Variants in OTOF observed in about 807,000 individuals in gnomAD.
OTOF encodes fer-1-like family member 2.
In OTOF, 218 loss-of-function variants were observed where a neutral mutation model predicts 236.8. The ratio of observed to expected loss-of-function variants is 0.92; its 90% CI spans 0.82 to 1.03. The LOEUF (loss-of-function observed/expected upper bound fraction) is 1.03. OTOF is among the 50% of genes least tolerant of loss of function. The probability of loss-of-function intolerance (pLI) is 0.00; values close to 1 mark genes in which losing one functional copy is unlikely to be tolerated. For missense variants in OTOF, 2,590 were observed against 2,694.4 expected, an observed-to-expected ratio of 0.96 and a Z score of 0.86; for synonymous variants, 1,041 against 1,072.5, an observed-to-expected ratio of 0.97 and a Z score of 0.57.
Position 26,465,843 on chromosome 2 carries a change from C to T in OTOF, c.4629-1G>A, listed in dbSNP as rs755083444. 12 of 1,614,174 alleles carry T rather than the reference C, an allele frequency of 7.4e-6. No individual in the cohort carries two copies. The highest frequency in any genetic ancestry group is 1.0e-5 in the Non-Finnish European group (12 of 1,180,032). ...GAAGGAGGCCTCGATGTCAAAGGAC[C>T]TGGTGGGGTGGAGTTAGGAGAAGGG... On this transcript the variant is annotated splice_acceptor_variant, in intron 37 of 46. Transcript: ENST00000272371. LOFTEE classifies it high-confidence loss of function.
At chr2:26,548,953 A>G (rs1336090149) in intron 1 of OTOF, among the ~76,000 whole-genome samples, 1 of 152,074 alleles carries the variant, frequency 6.6e-6, no homozygotes. Context: ...ATTTAACATA[A>G]TGTTTTCAAG....
chr2:26,493,237 T>G (rs1317973469), intron 9 of OTOF, among the ~76,000 whole-genome samples: 1 of 151,744 alleles, frequency 6.6e-6, no homozygotes, highest in Admixed American at 6.6e-5. Context: ...CAAAGGAGAG[T>G]TCGGCCAGGC....
intron 41 of OTOF, 69 bp downstream of exon 41, chr2:26,463,414 G>T: frequency 7.7e-7 from 1 of 1,297,454 alleles, no homozygotes; most frequent in Non-Finnish European, 1.1e-6. Context: ...CCGCAGGAAG[G>T]GTTGGGCCGT....
rs751176966 is a variant in OTOF at position 26,482,436 on chromosome 2, G to C, written c.1549C>G (p.Leu517Val). The change falls in exon 14 of 47, where the codon CTG becomes GTG. Residue 517 changes from leucine (L) to valine (V), a missense_variant. By Grantham distance (32) the Leu-to-Val change is conservative. Transcript: ENST00000272371. ...DVAIGTHFID[L>V]RKISNDGDKG... is the part of the protein sequence containing the mutation. ...TCTCCGTCATTAGAAATCTTGCGCA[G>C]GTCAATGAAGTGGGTGCCGATGGCC... 2.5e-6 allele frequency: 4 copies of C among 1,613,250 alleles called. No homozygotes were observed. Among genetic ancestry groups the C allele is most frequent in the African/African-American group, 2.7e-5 (2 of 74,944 alleles).
At chr2:26,536,404 C>T (rs967725138) in intron 2 of OTOF, among the ~76,000 whole-genome samples, 1 of 152,148 alleles carries the variant, frequency 6.6e-6, no homozygotes, top group Non-Finnish European at 1.5e-5. Context: ...TTCACCTGTC[C>T]TGCATAGCAG....
intron 5 of OTOF, among the ~76,000 whole-genome samples, chr2:26,514,466 C>G (rs1023004893): frequency 6.6e-6 from 1 of 152,248 alleles, no homozygotes; most frequent in Non-Finnish European, 1.5e-5. Context: ...CTCTCCAGAG[C>G]CCCCATCAGC....
At chr2:26,556,747 C>A (rs114405559) in intron 1 of OTOF, among the ~76,000 whole-genome samples, 1 of 152,130 alleles carries the variant, frequency 6.6e-6, no homozygotes. Flanking sequence ...GTGAATGCCA[C>A]GCGCAGTGTT....
intron 1 of OTOF, among the ~76,000 whole-genome samples, chr2:26,550,579 C>A (rs1667435279): frequency 6.6e-6 from 1 of 152,202 alleles, no homozygotes; most frequent in East Asian, 1.9e-4. Flanking sequence ...GTGTCAGCAA[C>A]TGGCACCTGT....
intron 8 of OTOF, among the ~76,000 whole-genome samples, chr2:26,496,724 G>C (rs1047251387): frequency 3.3e-5 from 5 of 152,122 alleles, no homozygotes; most frequent in Non-Finnish European, 7.3e-5. Flanking sequence ...AAGATAGACA[G>C]AGGCATGTAC....
chr2:26,483,310 G>A lies in OTOF; in HGVS notation c.1392+152C>T, dbSNP rs1277027801. ...CGCAGCTCTCAGTCTAAGGACTCCA[G>A]GAGGCAGTGAGGATCCTCTAAGTCC... On this transcript the variant is annotated intron_variant, in intron 13 of 46. Transcript: ENST00000272371. The A allele has an allele frequency of 8.1e-6, 6 of 743,648 alleles. No homozygotes were observed. In the African/African-American group the frequency reaches 1.0e-4, roughly 13 times the overall value. The allele number at this position is 743,648 out of a possible 1,614,324, so 46.1% of individuals were successfully genotyped here.
At position 26,461,626 on chromosome 2, in the gene OTOF, C is replaced by A; in HGVS notation, c.5533+70G>T. On this transcript the variant is annotated intron_variant, in intron 43 of 46. Coordinates refer to ENST00000272371, the MANE Select transcript of OTOF (RefSeq NM_194248.3). The surrounding 1 kb of genome is among the most constrained non-coding windows in gnomAD (Gnocchi z 6.2). ...CCCCCCAAGGCAGGGCTCTCCCTGTCCCCGCCAACCCGGCCCCTGCCTCTT... is the reference window on the plus strand; with the variant it reads ...CCCCCCAAGGCAGGGCTCTCCCTGTACCCGCCAACCCGGCCCCTGCCTCTT... 4 of 1,600,764 alleles carry A rather than the reference C, an allele frequency of 2.5e-6. No homozygotes were observed. The highest frequency in any genetic ancestry group is 3.4e-6 in the Non-Finnish European group (4 of 1,175,822).
intron 36 of OTOF, chr2:26,466,400 G>A (rs1379863942): frequency 3.9e-6 from 2 of 509,106 alleles, no homozygotes; most frequent in South Asian, 2.0e-5. Context: ...GCAATGACGT[G>A]ATCTCAGCTC....
intron 1 of OTOF, among the ~76,000 whole-genome samples, chr2:26,544,444 T>G (rs913810070): frequency 2.6e-5 from 4 of 152,236 alleles, no homozygotes; most frequent in Non-Finnish European, 5.9e-5. Flanking sequence ...ATGTACTTTT[T>G]GTGTGTCTGG....
At chr2:26,474,267 C>T (rs1665141962) in intron 26 of OTOF, among the ~76,000 whole-genome samples, 157 bp from the exon 27 acceptor site, 1 of 151,252 alleles carries the variant, frequency 6.6e-6, no homozygotes, top group African/African-American at 2.4e-5. Context: ...CCCCTAGGCC[C>T]CAGCCCCCAG....
chr2:26,461,484 T>C lies in OTOF; in HGVS notation c.5533+212A>G, dbSNP rs1664459257. ...CCTCCTTGGTGTGTCCAAAGCTTGT[T>C]GTCAGCCTGGTTATGACACTGAGAA... is the stretch of plus-strand genomic sequence containing the variant. On this transcript the variant is annotated intron_variant, in intron 43 of 46. Coordinates refer to ENST00000272371, the MANE Select transcript of OTOF (RefSeq NM_194248.3). This position sits in a 1 kb window ranked among gnomAD's most constrained non-coding sequence, Gnocchi z 6.2. Among the ~76,000 whole-genome samples the C allele has an allele frequency of 6.6e-6, 1 of 151,918 alleles. No homozygotes were observed. The highest frequency in any genetic ancestry group is 1.9e-4 in the East Asian group (1 of 5,140).
At chr2:26,481,495 C>T (rs991655897) in intron 14 of OTOF, among the ~76,000 whole-genome samples, 1 of 152,202 alleles carries the variant, frequency 6.6e-6, no homozygotes, top group African/African-American at 2.4e-5. Context: ...TCTCTTATGG[C>T]TAAGATTTGT....
chr2:26,479,762 G>A (rs1665478073), intron 16 of OTOF, 109 bp from the exon 17 acceptor site: 2 of 1,064,454 alleles, frequency 1.9e-6, no homozygotes, highest in Admixed American at 3.9e-5. Flanking sequence ...GGAGAGTCAG[G>A]GAATGGGGCT....
intron 22 of OTOF, among the ~76,000 whole-genome samples, 178 bp from the exon 23 acceptor site, chr2:26,476,495 C>G (rs1298625475): frequency 7.4e-6 from 1 of 135,236 alleles, no homozygotes; most frequent in African/African-American, 3.2e-5. Context: ...TGCCCCCTTC[C>G]CCACCCCTTC....
intron 16 of OTOF, 51 bp from the exon 17 acceptor site, chr2:26,479,704 C>T: frequency 6.4e-7 from 1 of 1,568,712 alleles, no homozygotes; most frequent in Non-Finnish European, 8.8e-7. Flanking sequence ...CACCAGGCCC[C>T]TCCCACCGTC....
Sources: allele counts gnomAD v4.1 joint callset (sites outside exome capture counted in the v4.1 genomes callset), GRCh38; gene constraint gnomAD v4.1.1; non-coding constraint Gnocchi (gnomAD v3.1); transcripts MANE v1.5; gene names NCBI Gene and HGNC (gene_info 2026-07-23, HGNC 2026-07-21).